Variants in RAB31 observed in about 807,000 individuals in gnomAD.
The protein encoded by RAB31 is ras-related protein Rab-31.
RAB31 carries 21 observed loss-of-function variants against 25.6 expected under a neutral mutation model. The observed-to-expected ratio is 0.82, with a 90% CI of 0.58 to 1.18. The LOEUF (loss-of-function observed/expected upper bound fraction) is 1.18. Ranked by LOEUF, RAB31 falls within the 50% of genes most tolerant of loss-of-function variation. RAB31 has a pLI of 0.00. For missense variants in RAB31, 196 were observed against 250.1 expected, an observed-to-expected ratio of 0.78 and a Z score of 1.46; for synonymous variants, 87 against 84.0, an observed-to-expected ratio of 1.04 and a Z score of -0.20.
rs904229774 is a variant in RAB31, at chr18:9,766,914, G to A, written c.40-8364G>A. Among the ~76,000 whole-genome samples the A allele has an allele frequency of 2.0e-5, 3 of 152,162 alleles. No individual in the cohort carries two copies. Among genetic ancestry groups the A allele is most frequent in the Non-Finnish European group, 2.9e-5 (2 of 68,036 alleles). On this transcript the variant is annotated intron_variant, in intron 1 of 6. Coordinates refer to ENST00000578921, the MANE Select transcript of RAB31 (RefSeq NM_006868.4). The surrounding 1 kb of genome is among the most constrained non-coding windows in gnomAD (Gnocchi z 4.3). Reference sequence around the variant, plus strand: ...GTAGGTTGCAGTGAGCCGATGTTGTGCCACTGTAATCCAGCCTGGGTGACA... The same window carrying A: ...GTAGGTTGCAGTGAGCCGATGTTGTACCACTGTAATCCAGCCTGGGTGACA...
chr18:9,769,715 C>G (rs2068334446), intron 1 of RAB31, among the ~76,000 whole-genome samples: 1 of 152,126 alleles, frequency 6.6e-6, no homozygotes, highest in Non-Finnish European at 1.5e-5. Context: ...GCTAGAATTT[C>G]CAATACTATG....
chr18:9,708,542 G>T lies in RAB31; in HGVS notation c.39+98G>T. On this transcript the variant is annotated intron_variant, in intron 1 of 6. Coordinates refer to ENST00000578921, the MANE Select transcript of RAB31 (RefSeq NM_006868.4). This position sits in a 1 kb window ranked among gnomAD's most constrained non-coding sequence, Gnocchi z 6.4. ...CGCGCTCAGTCCCCGTGATCCCCTC[G>T]CTCTCCGCACCCCTCTCGTAGCCCC... 9.1e-7 allele frequency: 1 copy of T among 1,093,502 alleles called. No homozygotes were observed. Among genetic ancestry groups the T allele is most frequent in the Non-Finnish European group, 1.2e-6 (1 of 804,830 alleles). 67.7% of individuals were successfully genotyped at this position (1,093,502 alleles called of 1,614,324 possible).
At chr18:9,767,099 G>C (rs916687942) in intron 1 of RAB31, among the ~76,000 whole-genome samples, 1 of 152,202 alleles carries the variant, frequency 6.6e-6, no homozygotes, top group Non-Finnish European at 1.5e-5. Flanking sequence ...CTGATTCCAA[G>C]ACCAGAAGGA....
intron 1 of RAB31, among the ~76,000 whole-genome samples, chr18:9,710,240 G>T (rs1364508182): frequency 6.6e-6 from 1 of 152,160 alleles, no homozygotes; most frequent in African/African-American, 2.4e-5. Context: ...CAACTCAGTG[G>T]CCTCATCTAT....
chr18:9,849,886 G>A (rs2068780435), intron 6 of RAB31, among the ~76,000 whole-genome samples: 1 of 152,164 alleles, frequency 6.6e-6, no homozygotes, highest in African/African-American at 2.4e-5. Flanking sequence ...CCTTGCCATG[G>A]GAGTAAGGGT....
intron 6 of RAB31, among the ~76,000 whole-genome samples, chr18:9,856,753 C>T (rs563839662): frequency 6.6e-6 from 1 of 152,252 alleles, no homozygotes; most frequent in East Asian, 1.9e-4. Context: ...AAGCAAAAGT[C>T]CTGATTGCAG....
chr18:9,756,675 T>G lies in RAB31; in HGVS notation c.40-18603T>G, dbSNP rs1372956213. 1.6e-4 allele frequency among the ~76,000 whole-genome samples: 24 copies of G among 152,220 alleles called. 1 individual carries two copies. The highest frequency in any genetic ancestry group is 1.5e-5 in the Non-Finnish European group (1 of 68,030). On this transcript the variant is annotated intron_variant, in intron 1 of 6. Transcript: ENST00000578921. ...CCAAGCTGTCATTGTGGAGTCTTAG[T>G]GTTGATACGATAGACTCTGGTACTT...
At chr18:9,764,790 C>T (rs908707806) in intron 1 of RAB31, among the ~76,000 whole-genome samples, 1 of 152,102 alleles carries the variant, frequency 6.6e-6, no homozygotes, top group Non-Finnish European at 1.5e-5. Flanking sequence ...CCAAGCTATG[C>T]TCATTAATGT....
intron 1 of RAB31, among the ~76,000 whole-genome samples, chr18:9,765,867 G>C (rs2068313241): frequency 1.3e-5 from 2 of 150,798 alleles, no homozygotes; most frequent in African/African-American, 4.9e-5. Context: ...TCACTTTGGG[G>C]ACCCGAGACT....
intron 6 of RAB31, among the ~76,000 whole-genome samples, chr18:9,851,161 GA>G (rs2068787557): frequency 6.6e-6 from 1 of 152,028 alleles, no homozygotes; most frequent in Admixed American, 6.6e-5. Context: ...AAAGGACAAA[GA>G]CAAAGTTTGT....
Position 9,784,980 on chromosome 18 carries a change from C to A in RAB31, c.120-7174C>A, listed in dbSNP as rs191640318. 4.6e-5 allele frequency: 7 copies of A among 152,184 alleles called. No homozygotes were observed. The East Asian group carries it at 1.4e-3, about 29-fold the overall frequency. The allele number at this position is 152,184 out of a possible 1,614,324, so 9.4% of individuals were successfully genotyped here. ...GAGCAAAAGTTATGTTAAAATAGAG[C>A]GTCCTGCAAACTCGGAAGCAGATCA... is the stretch of plus-strand genomic sequence containing the variant. On this transcript the variant is annotated intron_variant, in intron 2 of 6. Transcript: ENST00000578921.
intron 1 of RAB31, among the ~76,000 whole-genome samples, chr18:9,711,302 A>C (rs918056674): frequency 6.6e-6 from 1 of 152,058 alleles, no homozygotes; most frequent in African/African-American, 2.4e-5. Context: ...CTTCTGCATC[A>C]GCCTAGGTTT....
chr18:9,814,091 G>A lies in RAB31; in HGVS notation c.273G>A (p.Gln91=). ...AAVIVYDITK[Q]DSFYTLKKWV... is the part of the protein sequence containing the mutation. The stretch of plus-strand genomic sequence containing the variant: ...TTATCGTGTATGATATTACCAAGCA[G>A]GTAAGAATGTCTCCTTCAGAATTTA... The change falls in exon 4 of 7, where the codon CAG becomes CAA. Residue 91 remains glutamine, a splice_region_variant and synonymous_variant. Transcript: ENST00000578921. 1 of 1,566,284 alleles carries A rather than the reference G, an allele frequency of 6.4e-7. No homozygotes were observed. The highest frequency in any genetic ancestry group is 8.7e-7 in the Non-Finnish European group (1 of 1,144,974).
In RAB31 at chr18:9,787,193, C is replaced by G. The variant is rs1041247243; in HGVS notation, c.120-4961C>G. On this transcript the variant is annotated intron_variant, in intron 2 of 6. Coordinates refer to ENST00000578921, the MANE Select transcript of RAB31 (RefSeq NM_006868.4). ...TCTAAGCCCAAATCCATATTTCTAA[C>G]AAGTATGGGACTTACTTAATCTATT... is the stretch of plus-strand genomic sequence containing the variant. 5.0e-5 allele frequency: 11 copies of G among 218,004 alleles called. No homozygotes were observed. In the East Asian group the frequency reaches 1.2e-3, roughly 24 times the overall value. The allele number at this position is 218,004 out of a possible 1,614,324, so 13.5% of individuals were successfully genotyped here. A position where few individuals can be genotyped will look rare whatever the true frequency, so the allele number is the denominator to read the frequency against.
Position 9,802,928 on chromosome 18 carries a change from A to T in RAB31, c.201+10693A>T, listed in dbSNP as rs1018352421. On this transcript the variant is annotated intron_variant, in intron 3 of 6. Coordinates refer to ENST00000578921, the MANE Select transcript of RAB31 (RefSeq NM_006868.4). ...TGGTCAAAAAAGTGGTTCACTATTC[A>T]TAGGCCATTAGTAAAGTCAGAGGAA... 2.6e-5 allele frequency among the ~76,000 whole-genome samples: 4 copies of T among 152,340 alleles called. No homozygotes were observed. The South Asian group carries it at 8.3e-4, about 32-fold the overall frequency.
chr18:9,825,223 C>A (rs1038632062), intron 5 of RAB31, among the ~76,000 whole-genome samples: 2 of 152,166 alleles, frequency 1.3e-5, no homozygotes, highest in African/African-American at 2.4e-5. Context: ...AGTCTGTGTG[C>A]GAGCTGGGGC....
chr18:9,813,034 T>G (rs2068582550), intron 3 of RAB31, among the ~76,000 whole-genome samples: 1 of 152,208 alleles, frequency 6.6e-6, no homozygotes, highest in Admixed American at 6.5e-5. Flanking sequence ...AATATGCAGA[T>G]TAAGACTGGA....
At chr18:9,740,400 A>G (rs1191854537) in intron 1 of RAB31, among the ~76,000 whole-genome samples, 1 of 152,172 alleles carries the variant, frequency 6.6e-6, no homozygotes, top group Non-Finnish European at 1.5e-5. Context: ...AGTTATTTAT[A>G]CTTCTCCAAA....
chr18:9,774,743 G>C (rs1331733382), intron 1 of RAB31: 1 of 435,892 alleles, frequency 2.3e-6, no homozygotes, highest in Non-Finnish European at 4.5e-6. Context: ...AAAGAACTGA[G>C]ACAAGACCAT....
Sources: allele counts gnomAD v4.1 joint callset (sites outside exome capture counted in the v4.1 genomes callset), GRCh38; gene constraint gnomAD v4.1.1; non-coding constraint Gnocchi (gnomAD v3.1); transcripts MANE v1.5; gene names NCBI Gene and HGNC (gene_info 2026-07-23, HGNC 2026-07-21).